Variants in CCSER1 observed in about 807,000 individuals in gnomAD.
CCSER1 encodes serine-rich coiled-coil domain-containing protein 1.
CCSER1 carries 41 observed loss-of-function variants against 82.0 expected under a neutral mutation model. That is an observed-to-expected ratio of 0.50 (90% confidence interval 0.39 to 0.65). CCSER1 has a LOEUF of 0.65. Ranked by LOEUF, CCSER1 falls within the 30% of genes least tolerant of loss-of-function variation. The pLI, the probability that CCSER1 is intolerant of heterozygous loss-of-function variation, is 0.00. For missense variants in CCSER1, 1,119 were observed against 1,064.2 expected (o/e 1.05, Z -0.72); for synonymous variants, 414 against 383.9 (o/e 1.08, Z -0.92).
chr4:91,602,150 C>T lies in CCSER1; in HGVS notation c.*3093C>T, dbSNP rs1329210118. 6.6e-6 allele frequency among the ~76,000 whole-genome samples: 1 copy of T among 151,944 alleles called. No homozygotes were observed. The highest frequency in any genetic ancestry group is 2.4e-5 in the African/African-American group (1 of 41,404). On this transcript the variant is annotated 3_prime_UTR_variant, in exon 11 of 11. Coordinates refer to ENST00000509176, the MANE Select transcript of CCSER1 (RefSeq NM_001145065.2). ...GTTATTTTTGTTATCTAATGATTGA[C>T]ATGAAAATAAAATAGTAAGCCAATA...
chr4:90,626,051 T>G (rs1041897908), intron 5 of CCSER1, among the ~76,000 whole-genome samples: 2 of 152,166 alleles, frequency 1.3e-5, no homozygotes, highest in African/African-American at 4.8e-5. Context: ...TAACAGGAAT[T>G]ATAGAAATAT....
Position 90,932,962 on chromosome 4 carries a change from GAAAGAAAGAAAGAA to G in CCSER1, c.2172+9517_2172+9530del, listed in dbSNP as rs1561384625. The stretch of plus-strand genomic sequence containing the variant: ...AGAAAGAAAGAAAGAAAGAAAGAAA[GAAAGAAAGAAAGAA>G]AGAAAGAGAAAGAAAGAAAGAAAGA... On this transcript the variant is annotated intron_variant, in intron 9 of 10. Transcript: ENST00000509176. Among the ~76,000 whole-genome samples the G allele has an allele frequency of 2.3e-4, 8 of 34,836 alleles. 2 individuals carry two copies. Among genetic ancestry groups the G allele is most frequent in the South Asian group, 7.1e-4 (1 of 1,408 alleles). 22.9% of individuals were successfully genotyped at this position (34,836 alleles called of 152,430 possible).
chr4:90,801,470 G>T (rs1756795339), intron 7 of CCSER1, among the ~76,000 whole-genome samples: 1 of 152,064 alleles, frequency 6.6e-6, no homozygotes, highest in Non-Finnish European at 1.5e-5. Context: ...GAATTTTTAA[G>T]ATATTCTAAG....
At chr4:90,409,863 T>A (rs1431324917) in intron 4 of CCSER1, among the ~76,000 whole-genome samples, 8 of 152,176 alleles carry the variant, frequency 5.3e-5, no homozygotes, top group Non-Finnish European at 8.8e-5. Flanking sequence ...AAGACCCATC[T>A]GTGTGCTGTA....
intron 10 of CCSER1, among the ~76,000 whole-genome samples, chr4:91,473,655 G>A (rs186177977): frequency 1.3e-5 from 2 of 152,106 alleles, no homozygotes; most frequent in East Asian, 3.9e-4. Context: ...TACTTCTTAG[G>A]TTTGTTGTGA....
intron 6 of CCSER1, among the ~76,000 whole-genome samples, chr4:90,669,461 A>G (rs1732399308): frequency 6.6e-6 from 1 of 152,104 alleles, no homozygotes; most frequent in Non-Finnish European, 1.5e-5. Flanking sequence ...ACTCTATAGA[A>G]TCCCTCCTGT....
intron 10 of CCSER1, among the ~76,000 whole-genome samples, chr4:91,523,847 A>G (rs1760635144): frequency 6.6e-6 from 1 of 151,954 alleles, no homozygotes; most frequent in South Asian, 2.1e-4. Flanking sequence ...TTGATTTTTG[A>G]AGGGTTTTGT....
intron 3 of CCSER1, among the ~76,000 whole-genome samples, chr4:90,384,262 G>T (rs1274074458): frequency 6.6e-6 from 1 of 150,618 alleles, no homozygotes; most frequent in African/African-American, 2.4e-5. Context: ...TTTACATTAG[G>T]TATATTTGCT....
intron 1 of CCSER1, among the ~76,000 whole-genome samples, chr4:90,144,776 A>G (rs1309292306): frequency 6.6e-6 from 1 of 152,080 alleles, no homozygotes; most frequent in African/African-American, 2.4e-5. Context: ...TTATGGGAAA[A>G]TTTTTATGTA....
intron 6 of CCSER1, among the ~76,000 whole-genome samples, chr4:90,698,484 G>A (rs1288965661): frequency 6.6e-6 from 1 of 152,174 alleles, no homozygotes; most frequent in African/African-American, 2.4e-5. Context: ...ACCTGGGAAT[G>A]ATAGAGTTGG....
chr4:90,134,048 A>G (rs1258878748), intron 1 of CCSER1, among the ~76,000 whole-genome samples: 3 of 152,206 alleles, frequency 2.0e-5, no homozygotes, highest in African/African-American at 7.2e-5. Flanking sequence ...TATTAACAAC[A>G]ATAGCAATGA....
At chr4:90,138,813 G>C (rs968991703) in intron 1 of CCSER1, among the ~76,000 whole-genome samples, 6 of 152,012 alleles carry the variant, frequency 3.9e-5, no homozygotes, top group African/African-American at 1.4e-4. Flanking sequence ...TTAACTCCAT[G>C]TTCACTTTTT....
chr4:91,511,321 T>C (rs761743746), intron 10 of CCSER1, among the ~76,000 whole-genome samples: 2 of 152,196 alleles, frequency 1.3e-5, no homozygotes, highest in Non-Finnish European at 2.9e-5. Context: ...TTTGTTGTTC[T>C]ATGTGAATTT....
chr4:91,167,858 A>G (rs1368656802), intron 10 of CCSER1, among the ~76,000 whole-genome samples: 1 of 152,258 alleles, frequency 6.6e-6, no homozygotes, highest in Admixed American at 6.5e-5. Context: ...TTACAAACAA[A>G]TTATGGCTGC....
In CCSER1 at chr4:90,308,648, T is replaced by C. The variant is rs776464008; in HGVS notation, c.364T>C (p.Ser122Pro). 6.2e-7 allele frequency: 1 copy of C among 1,613,660 alleles called. No homozygotes were observed. Among genetic ancestry groups the C allele is most frequent in the Non-Finnish European group, 8.5e-7 (1 of 1,179,832 alleles). Reference sequence around the variant, plus strand: ...AAGACATTCTGTTGGTTTTAGTAGTTCACGAAATAAGAAGATAACAAGATC... The same window carrying C: ...AAGACATTCTGTTGGTTTTAGTAGTCCACGAAATAAGAAGATAACAAGATC... ...RGRHSVGFSS[S>P]RNKKITRSLT... The change falls in exon 2 of 11, where the codon TCA becomes CCA. Residue 122 changes from serine (S) to proline (P), a missense_variant. By Grantham distance (74) the Ser-to-Pro change is moderately conservative. Transcript: ENST00000509176.
intron 5 of CCSER1, among the ~76,000 whole-genome samples, chr4:90,535,678 T>C (rs1477472685): frequency 6.6e-6 from 1 of 152,158 alleles, no homozygotes; most frequent in African/African-American, 2.4e-5. Flanking sequence ...ACATTAATGA[T>C]AGAATACTGC....
chr4:91,009,160 A>G (rs182193055), intron 9 of CCSER1, among the ~76,000 whole-genome samples: 111 of 152,306 alleles, frequency 7.3e-4, no homozygotes, highest in African/African-American at 2.6e-3. Context: ...ACAGCAAGAC[A>G]AAAGCTCAGC....
intron 10 of CCSER1, among the ~76,000 whole-genome samples, chr4:91,394,755 T>C (rs1751861960): frequency 6.6e-6 from 1 of 152,038 alleles, no homozygotes; most frequent in African/African-American, 2.4e-5. Context: ...AAGTATTCAC[T>C]TAGTAAAGCA....
chr4:90,913,753 C>A (rs577568125), intron 8 of CCSER1, among the ~76,000 whole-genome samples: 1 of 151,990 alleles, frequency 6.6e-6, no homozygotes, highest in Admixed American at 6.6e-5. Context: ...ACCCATCTCA[C>A]GTGCAGAGAC....
Sources: gnomAD v4.1 joint callset for allele counts (sites outside exome capture counted in the v4.1 genomes callset) on GRCh38, gnomAD v4.1.1 for gene constraint, MANE v1.5 for transcripts, NCBI Gene and HGNC (gene_info 2026-07-23, HGNC 2026-07-21) for gene names.